PHTF2: variants seen among roughly 807,000 people sequenced by gnomAD.
PHTF2 encodes the protein putative homeodomain transcription factor 2, also known as protein PHTF2.
PHTF2 carries 60 observed loss-of-function variants against 101.2 expected under a neutral mutation model. That is an observed-to-expected ratio of 0.59 (90% confidence interval 0.48 to 0.73). The LOEUF (loss-of-function observed/expected upper bound fraction) is 0.73. Among genes scored for constraint, PHTF2 ranks in the 30% least tolerant of loss-of-function variants. The pLI is 0.00. For synonymous variants in PHTF2, 311 were observed against 307.3 expected, an observed-to-expected ratio of 1.01 and a Z score of -0.13; for missense variants, 747 against 908.7, an observed-to-expected ratio of 0.82 and a Z score of 2.29.
chr7:77,810,657 C>T (rs1793366614), intron 1 of PHTF2, among the ~76,000 whole-genome samples: 1 of 152,120 alleles, frequency 6.6e-6, no homozygotes, highest in South Asian at 2.1e-4. Flanking sequence ...CCTGCCTCAG[C>T]CTCCCAGGTA....
At chr7:77,863,992 C>T (rs984734050) in intron 3 of PHTF2, among the ~76,000 whole-genome samples, 3 of 152,094 alleles carry the variant, frequency 2.0e-5, no homozygotes, top group African/African-American at 2.4e-5. Context: ...GTTGCCCAGG[C>T]TGGGCTCAAA....
At chr7:77,924,479 T>C (rs1289252067) in intron 11 of PHTF2, among the ~76,000 whole-genome samples, 2 of 152,336 alleles carry the variant, frequency 1.3e-5, no homozygotes, top group African/African-American at 4.8e-5. Flanking sequence ...TCTTATAATA[T>C]GATAGAGGGC....
At chr7:77,929,123 G>A (rs904275578) in exon 12 of PHTF2, 20 of 1,613,032 alleles carry the variant, frequency 1.2e-5, no homozygotes, top group South Asian at 6.6e-5. Context: ...CCCCTAAATC[G>A]GGTACTAGTT....
chr7:77,869,496 T>C (rs1798349114), intron 3 of PHTF2, among the ~76,000 whole-genome samples: 1 of 152,168 alleles, frequency 6.6e-6, no homozygotes, highest in African/African-American at 2.4e-5. Flanking sequence ...CATAGCAATA[T>C]TTGTCTTTCT....
intron 2 of PHTF2, among the ~76,000 whole-genome samples, chr7:77,852,646 A>G (rs903944004): frequency 6.6e-6 from 1 of 152,166 alleles, no homozygotes; most frequent in Non-Finnish European, 1.5e-5. Context: ...GTGTTACAAT[A>G]TTCTGTGTTT....
chr7:77,922,227 A>G (rs1034520163), intron 10 of PHTF2, among the ~76,000 whole-genome samples: 9 of 151,606 alleles, frequency 5.9e-5, no homozygotes, highest in Non-Finnish European at 1.0e-4. Context: ...GAGTTTTGCT[A>G]TGTTGCCCAG....
intron 1 of PHTF2, among the ~76,000 whole-genome samples, chr7:77,818,575 T>C (rs550194935): frequency 6.6e-6 from 1 of 152,320 alleles, no homozygotes; most frequent in East Asian, 1.9e-4. Flanking sequence ...ATACATGGAT[T>C]GATTAATTTC....
At chr7:77,814,803 G>A (rs549392258) in intron 1 of PHTF2, among the ~76,000 whole-genome samples, 5 of 152,208 alleles carry the variant, frequency 3.3e-5, no homozygotes, top group Admixed American at 1.3e-4. Context: ...GGCCGGGTGC[G>A]GTGGCTTAGG....
At chr7:77,805,556 C>T (rs903195356) in intron 1 of PHTF2, among the ~76,000 whole-genome samples, 18 of 152,120 alleles carry the variant, frequency 1.2e-4, no homozygotes, top group Non-Finnish European at 2.6e-4. Context: ...ATAAAATTCT[C>T]CCCAAAATAG....
At chr7:77,878,444 TGTAGGAGCAACTGGGGA>T (rs1000112619) in intron 3 of PHTF2, among the ~76,000 whole-genome samples, 1 of 152,160 alleles carries the variant, frequency 6.6e-6, no homozygotes, top group African/African-American at 2.4e-5. Flanking sequence ...TGATGTTATC[TGTAGGAGCAACTGGGGA>T]GTAGGAGCAA....
intron 3 of PHTF2, among the ~76,000 whole-genome samples, chr7:77,877,977 A>T (rs1415489871): frequency 6.6e-6 from 1 of 152,138 alleles, no homozygotes; most frequent in Non-Finnish European, 1.5e-5. Flanking sequence ...AATAACACAG[A>T]TGTGGAGGTT....
chr7:77,927,199 T>TATATATATATATATATAC (rs1554388893), intron 11 of PHTF2, among the ~76,000 whole-genome samples: 1 of 108,548 alleles, frequency 9.2e-6, no homozygotes, highest in Non-Finnish European at 1.8e-5. Flanking sequence ...TATATATACA[T>TATATATATATATATATAC]ACACACACAC....
chr7:77,949,854 T>C (rs1229794857), intron 17 of PHTF2, 21 bp downstream of exon 16: 4 of 1,249,834 alleles, frequency 3.2e-6, no homozygotes, highest in Non-Finnish European at 4.5e-6. Context: ...CTACTTATTA[T>C]GCTACAAATT....
Position 77,907,717 on chromosome 7 carries a change from A to G in PHTF2, c.446-1076A>G, listed in dbSNP as rs182095813. ...GTTTACTTAATCTGTTTTGTTAAGT[A>G]AATTATATACATTGAGACATTTTAC... On this transcript the variant is annotated intron_variant, in intron 7 of 19. Transcript: ENST00000416283. 2.6e-5 allele frequency: 4 copies of G among 152,366 alleles called. No homozygotes were observed. The East Asian group carries it at 7.7e-4, about 29-fold the overall frequency. The allele number at this position is 152,366 out of a possible 1,614,324, so 9.4% of individuals were successfully genotyped here. A position where few individuals can be genotyped will look rare whatever the true frequency, so the allele number is the denominator to read the frequency against.
chr7:77,835,450 A>G (rs982171942), intron 1 of PHTF2, among the ~76,000 whole-genome samples: 1 of 152,216 alleles, frequency 6.6e-6, no homozygotes, highest in African/African-American at 2.4e-5. Context: ...GAGTCATGCC[A>G]GAACAGACAA....
At chr7:77,910,880 T>G (rs1045222637) in intron 9 of PHTF2, among the ~76,000 whole-genome samples, 5 of 152,212 alleles carry the variant, frequency 3.3e-5, no homozygotes, top group Admixed American at 6.5e-5. Flanking sequence ...GTGCTGTGAT[T>G]ACAGGTGTGA....
At chr7:77,939,506 G>A (rs1463519758) in intron 13 of PHTF2, among the ~76,000 whole-genome samples, 1 of 150,264 alleles carries the variant, frequency 6.7e-6, no homozygotes, top group East Asian at 2.0e-4. Context: ...CCAGCTACTA[G>A]GAATGCTGAG....
At chr7:77,895,566 T>A (rs976854002) in intron 5 of PHTF2, among the ~76,000 whole-genome samples, 2 of 152,136 alleles carry the variant, frequency 1.3e-5, no homozygotes, top group Non-Finnish European at 2.9e-5. Context: ...GTTGACACAT[T>A]TGGAATTTAA....
exon 14 of PHTF2, chr7:77,940,183 T>C (rs746056579): frequency 1.2e-6 from 2 of 1,613,820 alleles, no homozygotes; most frequent in Admixed American, 3.3e-5. Context: ...TGTGATTGCA[T>C]TTGGTTCTAA....
Sources: gnomAD v4.1 joint callset for allele counts (sites outside exome capture counted in the v4.1 genomes callset) on GRCh38, gnomAD v4.1.1 for gene constraint, MANE v1.5 for transcripts, NCBI Gene and HGNC (gene_info 2026-07-23, HGNC 2026-07-21) for gene names.